PLXNA4: variants seen among roughly 807,000 people sequenced by gnomAD.
PLXNA4 encodes plexin A4.
In PLXNA4, 44 loss-of-function variants were observed where a neutral mutation model predicts 191.8. That is an observed-to-expected ratio of 0.23 (90% confidence interval 0.18 to 0.29). The LOEUF is 0.29. Among genes scored for constraint, PLXNA4 ranks in the 10% least tolerant of loss-of-function variants. The pLI is 1.00. For synonymous variants in PLXNA4, 1,082 were observed against 1,009.5 expected (o/e 1.07, Z -1.36); for missense variants, 1,800 against 2,488.8 (o/e 0.72, Z 5.89).
Position 132,168,676 on chromosome 7 carries a change from A to G in PLXNA4, c.4018-104T>C, listed in dbSNP as rs12386705. The G allele has an allele frequency of 7.8e-3, 11,067 of 1,424,552 alleles. 683 individuals are homozygous for G. In the African/African-American group the frequency reaches 0.14, roughly 18 times the overall value. The allele number at this position is 1,424,552 out of a possible 1,614,324, so 88.2% of individuals were successfully genotyped here. ...ATATCCATGACCCTCTCATCCACCA[A>G]TTAAGCCACAGTCCACCTGGCTAAT... On this transcript the variant is annotated intron_variant, in intron 21 of 31. Transcript: ENST00000321063.
intron 24 of PLXNA4, among the ~76,000 whole-genome samples, chr7:132,160,730 C>T (rs934080459): frequency 2.8e-4 from 43 of 152,308 alleles, no homozygotes; most frequent in African/African-American, 9.1e-4. Context: ...CTTTCACTCC[C>T]TCTGTGCCCC....
intron 3 of PLXNA4, among the ~76,000 whole-genome samples, chr7:132,464,768 G>A (rs538476538): frequency 2.6e-5 from 4 of 152,188 alleles, no homozygotes; most frequent in Non-Finnish European, 4.4e-5. Context: ...CAGGACTAAA[G>A]GATGCCAGTG....
chr7:132,495,345 CA>C (rs1797971814), intron 2 of PLXNA4, among the ~76,000 whole-genome samples: 1 of 152,214 alleles, frequency 6.6e-6, no homozygotes, highest in South Asian at 2.1e-4. Flanking sequence ...CCCTGTGGGC[CA>C]ATTAGCTTAG....
At chr7:132,513,534 C>T (rs549292094) in intron 1 of PLXNA4, among the ~76,000 whole-genome samples, 1 of 152,318 alleles carries the variant, frequency 6.6e-6, no homozygotes, top group Non-Finnish European at 1.5e-5. Flanking sequence ...TGGACAGAGT[C>T]CTGGTCCTCA....
At chr7:132,587,671 C>T (rs1439558855) in intron 2 of PLXNA4, among the ~76,000 whole-genome samples, 3 of 152,008 alleles carry the variant, frequency 2.0e-5, no homozygotes, top group Admixed American at 2.0e-4. Flanking sequence ...CCACCCAAGA[C>T]CATTACTAAG....
chr7:132,180,457 G>A, intron 19 of PLXNA4, 129 bp downstream of exon 19: 1 of 1,386,164 alleles, frequency 7.2e-7, no homozygotes, highest in Non-Finnish European at 9.7e-7. Context: ...AAAGAACTTG[G>A]GGTGTGGGGT....
At chr7:132,199,771 C>T (rs891101202) in intron 12 of PLXNA4, among the ~76,000 whole-genome samples, 4 of 152,224 alleles carry the variant, frequency 2.6e-5, no homozygotes, top group Non-Finnish European at 4.4e-5. Context: ...CTGCCCTCCC[C>T]ACCAAGTGGC....
chr7:132,287,640 C>T (rs576838632), intron 4 of PLXNA4, among the ~76,000 whole-genome samples: 5 of 152,280 alleles, frequency 3.3e-5, no homozygotes, highest in African/African-American at 4.8e-5. Flanking sequence ...AGATGCCAGG[C>T]CACTGTGGTG....
chr7:132,329,571 G>T (rs893385501), intron 3 of PLXNA4, among the ~76,000 whole-genome samples: 2 of 152,188 alleles, frequency 1.3e-5, no homozygotes, highest in African/African-American at 4.8e-5. Context: ...CTGAGAGCTG[G>T]CAGCCAATTC....
intron 1 of PLXNA4, among the ~76,000 whole-genome samples, chr7:132,561,384 TTCC>T (rs1464934817): frequency 4.1e-4 from 36 of 87,294 alleles, no homozygotes; most frequent in East Asian, 8.8e-4. Flanking sequence ...CCTCCTCCTC[TTCC>T]TCCTCCTCCT....
At chr7:132,168,190 T>G (rs1584787105) in intron 22 of PLXNA4, 114 bp downstream of exon 22, 2 of 1,370,928 alleles carry the variant, frequency 1.5e-6, no homozygotes, top group East Asian at 5.5e-5. Context: ...GTTAGTGACT[T>G]GAACTTGGGA....
intron 3 of PLXNA4, among the ~76,000 whole-genome samples, chr7:132,346,272 C>T (rs1207631492): frequency 1.3e-5 from 2 of 152,204 alleles, no homozygotes; most frequent in African/African-American, 4.8e-5. Flanking sequence ...ACTTAGCATG[C>T]CTTACGAGTA....
intron 14 of PLXNA4, among the ~76,000 whole-genome samples, chr7:132,192,593 T>C (rs1399440375): frequency 6.6e-6 from 1 of 151,100 alleles, no homozygotes; most frequent in Non-Finnish European, 1.5e-5. Flanking sequence ...GGAAGGAGAA[T>C]GAAAGCCAAA....
intron 20 of PLXNA4, among the ~76,000 whole-genome samples, chr7:132,176,812 G>A: frequency 6.6e-6 from 1 of 152,082 alleles, no homozygotes; most frequent in East Asian, 1.9e-4. Flanking sequence ...GTGCATATGT[G>A]TGTTGGTGTG....
intron 1 of PLXNA4, among the ~76,000 whole-genome samples, chr7:132,573,843 C>T (rs904497559): frequency 5.9e-5 from 9 of 152,138 alleles, no homozygotes; most frequent in African/African-American, 2.2e-4. Context: ...GCACCGTCTA[C>T]CAGGCAGCGA....
At chr7:132,403,747 AG>A (rs1369499071) in intron 3 of PLXNA4, among the ~76,000 whole-genome samples, 1 of 151,952 alleles carries the variant, frequency 6.6e-6, no homozygotes, top group African/African-American at 2.4e-5. Flanking sequence ...GTGGGGTGGG[AG>A]GGAAGAGGCA....
intron 1 of PLXNA4, among the ~76,000 whole-genome samples, chr7:132,537,654 C>T (rs539430003): frequency 1.4e-4 from 22 of 152,300 alleles, no homozygotes; most frequent in Non-Finnish European, 2.8e-4. Context: ...ACTCAACATG[C>T]TCTACTGTGC....
At chr7:132,297,880 A>G (rs990438965) in intron 4 of PLXNA4, among the ~76,000 whole-genome samples, 12 of 152,206 alleles carry the variant, frequency 7.9e-5, no homozygotes, top group African/African-American at 2.9e-4. Flanking sequence ...AGACTCTCCA[A>G]TATTTTGATA....
intron 12 of PLXNA4, among the ~76,000 whole-genome samples, chr7:132,199,537 G>A (rs182035022): frequency 2.6e-4 from 40 of 152,248 alleles, no homozygotes; most frequent in Non-Finnish European, 3.8e-4. Context: ...TCATCCTGGC[G>A]TTTCATGGAC....
Sources: gnomAD v4.1 joint callset for allele counts (sites outside exome capture counted in the v4.1 genomes callset) on GRCh38, gnomAD v4.1.1 for gene constraint, MANE v1.5 for transcripts, NCBI Gene and HGNC (gene_info 2026-07-23, HGNC 2026-07-21) for gene names.